The following CYRIA variants were observed in gnomAD, a reference collection of about 807,000 sequenced individuals.
The protein encoded by CYRIA is CYFIP-related Rac1 interactor A.
In CYRIA, 15 loss-of-function variants were observed where a neutral mutation model predicts 43.9. The ratio of observed to expected loss-of-function variants is 0.34; its 90% CI spans 0.23 to 0.53. The LOEUF (loss-of-function observed/expected upper bound fraction) is 0.53. Ranked by LOEUF, CYRIA falls within the 20% of genes least tolerant of loss-of-function variation. The pLI is 0.94. For missense variants in CYRIA, 236 were observed against 394.2 expected (o/e 0.60, Z 3.40); for synonymous variants, 117 against 136.0 (o/e 0.86, Z 0.97).
intron 1 of CYRIA, among the ~76,000 whole-genome samples, chr2:16,641,514 T>C (rs1669675818): frequency 6.6e-6 from 1 of 152,244 alleles, no homozygotes; most frequent in Non-Finnish European, 1.5e-5. Flanking sequence ...AAAATTTCTT[T>C]GTCCTCTGAA....
At chr2:16,661,570 T>C (rs903933965) in intron 1 of CYRIA, among the ~76,000 whole-genome samples, 1 of 152,172 alleles carries the variant, frequency 6.6e-6, no homozygotes, top group African/African-American at 2.4e-5. Context: ...AGAAATAACA[T>C]CCCAGCCAAC....
intron 1 of CYRIA, among the ~76,000 whole-genome samples, chr2:16,647,164 C>A (rs1669844854): frequency 6.6e-6 from 1 of 152,164 alleles, no homozygotes; most frequent in South Asian, 2.1e-4. Flanking sequence ...TGTTAATTTG[C>A]TCAAGCAATG....
At chr2:16,660,508 C>T (rs556322719) in intron 1 of CYRIA, among the ~76,000 whole-genome samples, 3 of 152,196 alleles carry the variant, frequency 2.0e-5, no homozygotes, top group Non-Finnish European at 4.4e-5. Flanking sequence ...CTCCACTGGG[C>T]CATGTGTTTC....
At chr2:16,618,928 T>C (rs1222597763) in intron 2 of CYRIA, among the ~76,000 whole-genome samples, 5 of 152,214 alleles carry the variant, frequency 3.3e-5, no homozygotes, top group Non-Finnish European at 7.3e-5. Flanking sequence ...CTCCTTGGTC[T>C]GCCTGAAGCC....
chr2:16,569,249 C>A (rs1384611955), intron 3 of CYRIA, among the ~76,000 whole-genome samples: 1 of 152,170 alleles, frequency 6.6e-6, no homozygotes, highest in Non-Finnish European at 1.5e-5. Flanking sequence ...CAGTAATTCT[C>A]TCCTGGCAGC....
intron 1 of CYRIA, among the ~76,000 whole-genome samples, chr2:16,649,837 A>C (rs1669925587): frequency 6.6e-6 from 1 of 152,206 alleles, no homozygotes; most frequent in Non-Finnish European, 1.5e-5. Flanking sequence ...GCTGGTTGCC[A>C]GATGACTTGG....
intron 1 of CYRIA, among the ~76,000 whole-genome samples, chr2:16,655,905 A>C (rs1670098522): frequency 6.6e-6 from 1 of 152,150 alleles, no homozygotes. Flanking sequence ...CTGAAGCAGC[A>C]GAATTGGATA....
At position 16,552,749 on chromosome 2, in the gene CYRIA, G is replaced by A; in HGVS notation, c.*187C>T. 1 of 509,960 alleles carries A rather than the reference G, an allele frequency of 2.0e-6. No homozygotes were observed. Among genetic ancestry groups the A allele is most frequent in the East Asian group, 3.2e-5 (1 of 31,696 alleles). The allele number at this position is 509,960 out of a possible 1,614,324, so 31.6% of individuals were successfully genotyped here. ...TTTCATTTCAGACATCAAAGGTAAG[G>A]CTCTCAAGTCAATTTATGCTCTGCT... On this transcript the variant is annotated 3_prime_UTR_variant, in exon 12 of 12. Transcript: ENST00000381323.
At chr2:16,601,948 G>A (rs956343870) in intron 2 of CYRIA, among the ~76,000 whole-genome samples, 2 of 152,216 alleles carry the variant, frequency 1.3e-5, no homozygotes, top group Non-Finnish European at 2.9e-5. Flanking sequence ...GAACAGGGCA[G>A]TGTGAATGAT....
At chr2:16,587,105 G>A (rs1303660195) in intron 3 of CYRIA, among the ~76,000 whole-genome samples, 1 of 151,910 alleles carries the variant, frequency 6.6e-6, no homozygotes, top group Non-Finnish European at 1.5e-5. Context: ...ATAACCTTTT[G>A]GGTAAAAGGG....
At chr2:16,627,519 T>C (rs1414408417) in intron 1 of CYRIA, among the ~76,000 whole-genome samples, 1 of 152,244 alleles carries the variant, frequency 6.6e-6, no homozygotes, top group Non-Finnish European at 1.5e-5. Context: ...AGGTAGGCAT[T>C]ATTATTGTCC....
chr2:16,584,322 C>T (rs1422856552), intron 3 of CYRIA, among the ~76,000 whole-genome samples: 2 of 152,122 alleles, frequency 1.3e-5, no homozygotes, highest in East Asian at 1.9e-4. Context: ...CACTCTGTTC[C>T]CTCATGGGAT....
At position 16,552,400 on chromosome 2, in the gene CYRIA, CA is replaced by C. The variant is rs1666349203; in HGVS notation, c.*535del. On this transcript the variant is annotated 3_prime_UTR_variant, in exon 12 of 12. Transcript: ENST00000381323. ...TGCTGATTAATAAAACACGTGCAAACAGAAAAGTTGCACGTGTGGACTGCAG... is the reference window on the plus strand; with the variant it reads ...TGCTGATTAATAAAACACGTGCAAACGAAAAGTTGCACGTGTGGACTGCAG... 1 of 152,134 alleles carries C rather than the reference CA, an allele frequency of 6.6e-6. No homozygotes were observed. Among genetic ancestry groups the C allele is most frequent in the South Asian group, 2.1e-4 (1 of 4,826 alleles). The allele number at this position is 152,134 out of a possible 1,614,324, so 9.4% of individuals were successfully genotyped here.
chr2:16,644,609 CT>C (rs1669767646), intron 1 of CYRIA, among the ~76,000 whole-genome samples: 1 of 152,220 alleles, frequency 6.6e-6, no homozygotes, highest in South Asian at 2.1e-4. Flanking sequence ...TGCAAAGACA[CT>C]TGTCATTACC....
intron 10 of CYRIA, among the ~76,000 whole-genome samples, chr2:16,558,134 C>T (rs1466482489): frequency 2.0e-5 from 3 of 152,086 alleles, no homozygotes; most frequent in South Asian, 2.1e-4. Context: ...GCTGTATGAA[C>T]GGTGATCCTC....
intron 3 of CYRIA, among the ~76,000 whole-genome samples, chr2:16,583,090 T>A (rs1183757273): frequency 2.6e-5 from 4 of 152,238 alleles, no homozygotes; most frequent in African/African-American, 9.6e-5. Flanking sequence ...TCATTTTGAT[T>A]TGCATTTCCT....
chr2:16,561,303 G>C (rs763990121), intron 7 of CYRIA, 26 bp from the exon 8 acceptor site: 1 of 1,556,992 alleles, frequency 6.4e-7, no homozygotes, highest in Non-Finnish European at 8.9e-7. Context: ...AGAGAAGATG[G>C]ATTTATAAAG....
intron 1 of CYRIA, among the ~76,000 whole-genome samples, chr2:16,639,478 T>A (rs578072885): frequency 1.2e-4 from 19 of 152,226 alleles, no homozygotes; most frequent in African/African-American, 4.6e-4. Flanking sequence ...CTGGATGTAT[T>A]TGACTCCAGC....
At chr2:16,604,986 C>T (rs1381875414) in intron 2 of CYRIA, among the ~76,000 whole-genome samples, 2 of 152,166 alleles carry the variant, frequency 1.3e-5, no homozygotes, top group South Asian at 2.1e-4. Flanking sequence ...TTTAACACTA[C>T]AAGTAATGGC....
Sources: gnomAD v4.1 joint callset for allele counts (sites outside exome capture counted in the v4.1 genomes callset) on GRCh38, gnomAD v4.1.1 for gene constraint, MANE v1.5 for transcripts, NCBI Gene and HGNC (gene_info 2026-07-23, HGNC 2026-07-21) for gene names.